TSNARE1: variants seen among roughly 807,000 people sequenced by gnomAD.
TSNARE1 encodes the protein t-SNARE domain-containing protein 1.
A neutral mutation model predicts 62.0 loss-of-function variants in TSNARE1; 49 were observed. The observed-to-expected ratio is 0.79, with a 90% CI of 0.63 to 1.00. The LOEUF (loss-of-function observed/expected upper bound fraction) is 1.00, where lower values mean the gene tolerates loss of function less well. TSNARE1 is among the 50% of genes least tolerant of loss of function. TSNARE1 has a pLI of 0.00. For synonymous variants in TSNARE1, 328 were observed against 294.4 expected (o/e 1.11, Z -1.17); for missense variants, 755 against 700.1 (o/e 1.08, Z -0.88).
At chr8:142,228,845 G>A (rs879585152) in intron 13 of TSNARE1, among the ~76,000 whole-genome samples, 1 of 152,214 alleles carries the variant, frequency 6.6e-6, no homozygotes, top group Middle Eastern at 3.2e-3. Flanking sequence ...ATGAATGGAT[G>A]GGTGGAAGGA....
At chr8:142,374,809 G>A (rs1405219595) in intron 1 of TSNARE1, among the ~76,000 whole-genome samples, 2 of 152,102 alleles carry the variant, frequency 1.3e-5, no homozygotes, top group African/African-American at 4.8e-5. Context: ...GCAGGGAGGG[G>A]CTGGGGCGGA....
At chr8:142,219,380 A>G (rs947812510) in intron 13 of TSNARE1, among the ~76,000 whole-genome samples, 1 of 152,168 alleles carries the variant, frequency 6.6e-6, no homozygotes, top group Non-Finnish European at 1.5e-5. Context: ...TACCACCCCC[A>G]GGCACAGCTT....
chr8:142,326,778 G>T (rs1830345656), intron 6 of TSNARE1, among the ~76,000 whole-genome samples: 1 of 152,222 alleles, frequency 6.6e-6, no homozygotes, highest in African/African-American at 2.4e-5. Flanking sequence ...ACAGTAAAAA[G>T]AAAAATACCC....
At chr8:142,227,386 C>T (rs1274638847) in intron 13 of TSNARE1, among the ~76,000 whole-genome samples, 2 of 123,310 alleles carry the variant, frequency 1.6e-5, no homozygotes, top group African/African-American at 5.9e-5. Flanking sequence ...CCCCATCCTG[C>T]CAATAGCCCC....
At chr8:142,230,811 C>T (rs1291139462) in intron 12 of TSNARE1, among the ~76,000 whole-genome samples, 9 of 148,062 alleles carry the variant, frequency 6.1e-5, no homozygotes, top group Non-Finnish European at 1.1e-4. Flanking sequence ...CATCCACCCA[C>T]TCATCCATCC....
At chr8:142,299,946 T>C (rs1011244845) in intron 10 of TSNARE1, among the ~76,000 whole-genome samples, 2 of 152,236 alleles carry the variant, frequency 1.3e-5, no homozygotes, top group African/African-American at 2.4e-5. Flanking sequence ...AAATAAGTAT[T>C]ATACATGTGT....
intron 6 of TSNARE1, among the ~76,000 whole-genome samples, chr8:142,326,922 A>G (rs1830360958): frequency 6.6e-6 from 1 of 152,222 alleles, no homozygotes; most frequent in East Asian, 1.9e-4. Flanking sequence ...ACAAGACCCC[A>G]CTTCGCACCC....
chr8:142,302,348 G>A (rs1414815056), intron 9 of TSNARE1, among the ~76,000 whole-genome samples: 2 of 152,198 alleles, frequency 1.3e-5, no homozygotes, highest in African/African-American at 2.4e-5. Flanking sequence ...TCTTGGCCCA[G>A]TAGGTGTCAC....
At chr8:142,309,004 G>A (rs923807598) in intron 9 of TSNARE1, among the ~76,000 whole-genome samples, 8 of 152,126 alleles carry the variant, frequency 5.3e-5, no homozygotes, top group African/African-American at 1.7e-4. Context: ...TTTTAATGTA[G>A]AGGCCTTAAA....
At chr8:142,386,448 G>T (rs1283414366) in intron 1 of TSNARE1, among the ~76,000 whole-genome samples, 1 of 151,846 alleles carries the variant, frequency 6.6e-6, no homozygotes, top group Non-Finnish European at 1.5e-5. Context: ...CAGAGTAAAA[G>T]ACTTAACAAT....
intron 2 of TSNARE1, among the ~76,000 whole-genome samples, chr8:142,350,983 G>A (rs1005541378): frequency 6.6e-5 from 10 of 152,212 alleles, no homozygotes; most frequent in African/African-American, 1.9e-4. Flanking sequence ...ACTGCAGGTC[G>A]GGTATGGCAG....
intron 11 of TSNARE1, chr8:142,278,104 G>A (rs1190891911): frequency 7.1e-6 from 7 of 985,184 alleles, no homozygotes; most frequent in Non-Finnish European, 8.4e-6. Flanking sequence ...ACCCCATCAG[G>A]AGGCCCACTG....
rs1380337176 is a variant in TSNARE1, at chr8:142,227,169, G to C, written c.*11+2304C>G. Among the ~76,000 whole-genome samples, 5 of 140,528 alleles carry C rather than the reference G, an allele frequency of 3.6e-5. No homozygotes were observed. In the East Asian group the frequency reaches 1.1e-3, roughly 31 times the overall value. 92.2% of individuals were successfully genotyped at this position (140,528 alleles called of 152,430 possible). On this transcript the variant is annotated intron_variant, in intron 13 of 13. Transcript: ENST00000524325. ...CCCAGTGACAGCCAGGACCTCCACT[G>C]TGCCCACACCCCAGTGACAGTGAGG...
At chr8:142,297,117 C>T (rs1824886251) in intron 10 of TSNARE1, among the ~76,000 whole-genome samples, 1 of 152,236 alleles carries the variant, frequency 6.6e-6, no homozygotes, top group African/African-American at 2.4e-5. Context: ...GGTCACCCAA[C>T]CAGTGAGCGG....
At position 142,227,191 on chromosome 8, in the gene TSNARE1, G is replaced by C. The variant is rs77968123; in HGVS notation, c.*11+2282C>G. 7.0e-4 allele frequency among the ~76,000 whole-genome samples: 99 copies of C among 140,904 alleles called. 1 individual carries two copies. In the South Asian group the frequency reaches 0.017, roughly 24 times the overall value. The allele number at this position is 140,904 out of a possible 152,430, so 92.4% of individuals were successfully genotyped here. A position where few individuals can be genotyped will look rare whatever the true frequency, so the allele number is the denominator to read the frequency against. On this transcript the variant is annotated intron_variant, in intron 13 of 13. Transcript: ENST00000524325. ...ACTGTGCCCACACCCCAGTGACAGT[G>C]AGGACCTCCACTGCATCCACAACCC...
intron 9 of TSNARE1, among the ~76,000 whole-genome samples, chr8:142,306,143 G>A (rs184749287): frequency 6.6e-6 from 1 of 152,308 alleles, no homozygotes; most frequent in Admixed American, 6.5e-5. Flanking sequence ...ATTCACTGGT[G>A]GAGTCTCTGG....
At chr8:142,248,977 G>A (rs1818022644) in intron 12 of TSNARE1, among the ~76,000 whole-genome samples, 1 of 152,196 alleles carries the variant, frequency 6.6e-6, no homozygotes, top group East Asian at 1.9e-4. Flanking sequence ...CGCCTTTGGA[G>A]GTAGCCAGCC....
intron 10 of TSNARE1, among the ~76,000 whole-genome samples, chr8:142,284,888 G>C (rs1038131268): frequency 6.6e-6 from 1 of 152,224 alleles, no homozygotes; most frequent in Non-Finnish European, 1.5e-5. Flanking sequence ...GACTGCAAGA[G>C]AGCAGAGAAT....
At chr8:142,292,530 G>A (rs1823972882) in intron 10 of TSNARE1, among the ~76,000 whole-genome samples, 1 of 152,160 alleles carries the variant, frequency 6.6e-6, no homozygotes, top group Admixed American at 6.5e-5. Flanking sequence ...GCTAGCTGTG[G>A]TGCAAGCAGC....
Sources: gnomAD v4.1 joint callset for allele counts (sites outside exome capture counted in the v4.1 genomes callset) on GRCh38, gnomAD v4.1.1 for gene constraint, MANE v1.5 for transcripts, NCBI Gene and HGNC (gene_info 2026-07-23, HGNC 2026-07-21) for gene names.